The following MOK variants were observed in gnomAD, a reference collection of about 807,000 sequenced individuals.
The protein encoded by MOK is MAPK/MAK/MRK overlapping kinase.
A neutral mutation model predicts 54.2 loss-of-function variants in MOK; 59 were observed. The ratio of observed to expected loss-of-function variants is 1.09; its 90% confidence interval spans 0.88 to 1.35. The LOEUF is 1.35. Ranked by LOEUF, MOK falls within the 40% of genes most tolerant of loss-of-function variation. The pLI, the probability that MOK is intolerant of heterozygous loss-of-function variation, is 0.00. For missense variants in MOK, 517 were observed against 526.2 expected (o/e 0.98, Z 0.17); for synonymous variants, 210 against 202.7 (o/e 1.04, Z -0.31).
downstream of MOK, chr14:102,224,899 A>G (rs1218748567): frequency 7.0e-6 from 3 of 426,558 alleles, no homozygotes; most frequent in East Asian, 7.0e-5. Context: ...TTAAAATAAG[A>G]TATTAGCATG....
rs374970241 is a variant in MOK at position 102,265,821 on chromosome 14, A to G, written c.212+2T>C. 9 of 1,612,030 alleles carry G rather than the reference A, an allele frequency of 5.6e-6. No homozygotes were observed. In the African/African-American group the frequency reaches 1.2e-4, roughly 22 times the overall value. ...AACTTTTCAAGCTCCAAATATACTT[A>G]CAAAACCACTTCATGCAACATAAGA... On this transcript the variant is annotated splice_donor_variant, in intron 3 of 11. Transcript: ENST00000361847. LOFTEE classifies it high-confidence loss of function.
downstream of MOK, chr14:102,224,467 AT>A: frequency 2.4e-6 from 1 of 410,670 alleles, no homozygotes; most frequent in Non-Finnish European, 4.8e-6. Context: ...AAGAATGTTT[AT>A]TTATTTTTTT....
downstream of MOK, chr14:102,225,929 C>A (rs1237118998): frequency 1.3e-5 from 3 of 228,328 alleles, no homozygotes; most frequent in Non-Finnish European, 2.6e-5. Flanking sequence ...CTTGCACTTT[C>A]TTACACTTCT....
the MOK span, among the ~76,000 whole-genome samples, chr14:102,217,678 G>A: frequency 7.2e-5 from 11 of 152,226 alleles, no homozygotes; most frequent in Non-Finnish European, 1.2e-4. Flanking sequence ...TTCGGGTGCC[G>A]TGAATAAACC....
chr14:102,260,492 A>C (rs2067300289), intron 4 of MOK: 1 of 152,190 alleles, frequency 6.6e-6, no homozygotes, highest in African/African-American at 2.4e-5. Context: ...ATATTTCATC[A>C]ATTCTAGGAC....
chr14:102,301,815 A>G (rs2072232602), intron 1 of MOK, among the ~76,000 whole-genome samples: 1 of 152,248 alleles, frequency 6.6e-6, no homozygotes, highest in Non-Finnish European at 1.5e-5. Context: ...CATCTAAAAG[A>G]ACATACCAAA....
chr14:102,261,072 A>G (rs181782848), intron 4 of MOK, among the ~76,000 whole-genome samples: 20 of 152,100 alleles, frequency 1.3e-4, no homozygotes, highest in African/African-American at 4.3e-4. Flanking sequence ...CCTGGCCAAC[A>G]TGGTGAAACC....
chr14:102,229,809 C>A, intron 10 of MOK, 152 bp from the exon 11 acceptor site: 5 of 723,876 alleles, frequency 6.9e-6, no homozygotes, highest in Non-Finnish European at 1.1e-5. Context: ...GTCCCAGACA[C>A]CCCAAGGGAG....
downstream of MOK, chr14:102,224,988 G>A (rs969107186): frequency 2.0e-5 from 7 of 352,234 alleles, no homozygotes; most frequent in Admixed American, 1.6e-4. Context: ...GCCAAACCCA[G>A]GAGGGCCCAA....
Position 102,231,829 on chromosome 14 carries a change from G to T in MOK, c.867-8C>A, listed in dbSNP as rs763316632. 6.2e-7 allele frequency: 1 copy of T among 1,609,904 alleles called. No homozygotes were observed. Among genetic ancestry groups the T allele is most frequent in the South Asian group, 1.1e-5 (1 of 90,936 alleles). ...GCCCGCTTCTCTGTTTTCCTACGGG[G>T]AAGGAGAAGAGAATGGAGCAGCTCC... On this transcript the variant is annotated splice_polypyrimidine_tract_variant and splice_region_variant and intron_variant, in intron 9 of 11. Coordinates refer to ENST00000361847, the MANE Select transcript of MOK (RefSeq NM_014226.3). The surrounding 1 kb of genome is among the most constrained non-coding windows in gnomAD (Gnocchi z 4.4).
At chr14:102,280,337 T>A (rs1288746081) in intron 2 of MOK, among the ~76,000 whole-genome samples, 1 of 152,022 alleles carries the variant, frequency 6.6e-6, no homozygotes, top group African/African-American at 2.4e-5. Context: ...GCCTCCCAAG[T>A]AGATGGGACC....
At chr14:102,304,180 T>A (rs770133635) in intron 1 of MOK, among the ~76,000 whole-genome samples, 2 of 152,256 alleles carry the variant, frequency 1.3e-5, no homozygotes, top group Non-Finnish European at 2.9e-5. Flanking sequence ...TTTAACATTA[T>A]AACTACTCCT....
downstream of MOK, among the ~76,000 whole-genome samples, chr14:102,222,160 T>C (rs2063968473): frequency 6.8e-6 from 1 of 146,864 alleles, no homozygotes; most frequent in Non-Finnish European, 1.5e-5. This position sits in a 1 kb window ranked among gnomAD's most constrained non-coding sequence, Gnocchi z 4.4. Flanking sequence ...CCATTCTTCC[T>C]GCTGGCCCTG....
At chr14:102,297,705 C>T (rs12892927) in intron 1 of MOK, among the ~76,000 whole-genome samples, 24,890 of 151,908 alleles carry the variant, frequency 0.16, 2,295 homozygotes, top group African/African-American at 0.25. Flanking sequence ...AGGCGGGAAC[C>T]GGGGCTGCAC....
chr14:102,251,657 TG>T, intron 6 of MOK, 98 bp downstream of exon 6: 1 of 933,896 alleles, frequency 1.1e-6, no homozygotes, highest in Admixed American at 1.9e-5. Flanking sequence ...TCTAGCCGCA[TG>T]GACTGAAAGT....
chr14:102,229,733 C>T, intron 10 of MOK, 76 bp from the exon 11 acceptor site: 1 of 1,283,598 alleles, frequency 7.8e-7, no homozygotes, highest in Non-Finnish European at 1.1e-6. Context: ...GAAAGAGGCT[C>T]TTTTGTACTG....
downstream of MOK, chr14:102,224,471 A>AT (rs1032943417): frequency 1.2e-5 from 5 of 411,502 alleles, no homozygotes; most frequent in African/African-American, 1.0e-4. Flanking sequence ...ATGTTTATTT[A>AT]TTTTTTTAAA....
intron 3 of MOK, chr14:102,263,852 GAT>G: frequency 2.7e-6 from 1 of 371,712 alleles, no homozygotes; most frequent in Non-Finnish European, 4.8e-6. Context: ...GTTGAAAACA[GAT>G]ATGTCTTGAA....
rs2064672713 is a variant in MOK at position 102,231,248 on chromosome 14, A to G, written c.981+459T>C. 2 of 153,942 alleles carry G rather than the reference A, an allele frequency of 1.3e-5. No homozygotes were observed. Among genetic ancestry groups the G allele is most frequent in the Admixed American group, 1.3e-4 (2 of 15,346 alleles). The allele number at this position is 153,942 out of a possible 1,614,324, so 9.5% of individuals were successfully genotyped here. A position where few individuals can be genotyped will look rare whatever the true frequency, so the allele number is the denominator to read the frequency against. On this transcript the variant is annotated intron_variant, in intron 10 of 11. Transcript: ENST00000361847. This position sits in a 1 kb window ranked among gnomAD's most constrained non-coding sequence, Gnocchi z 4.4. ...GTGCACAACCTCTGCTGATGGGACG[A>G]AGTGCTCATCTGGAGCCAGGCAGAG...
Sources: gnomAD v4.1 joint callset for allele counts (sites outside exome capture counted in the v4.1 genomes callset) on GRCh38, gnomAD v4.1.1 for gene constraint, Gnocchi (gnomAD v3.1) non-coding constraint, MANE v1.5 for transcripts, NCBI Gene and HGNC (gene_info 2026-07-23, HGNC 2026-07-21) for gene names.